The following ANO4 variants were observed in gnomAD, a reference collection of about 807,000 sequenced individuals.
ANO4 encodes the protein anoctamin 4.
A neutral mutation model predicts 141.9 loss-of-function variants in ANO4; 69 were observed. The observed-to-expected ratio is 0.49, with a 90% CI of 0.40 to 0.59. ANO4 has a LOEUF of 0.59. Among genes scored for constraint, ANO4 ranks in the 20% least tolerant of loss-of-function variants. The pLI is 0.00. For synonymous variants in ANO4, 350 were observed against 394.3 expected (o/e 0.89, Z 1.33); for missense variants, 894 against 1,162.2 (o/e 0.77, Z 3.36).
intron 3 of ANO4, among the ~76,000 whole-genome samples, chr12:100,776,996 G>T (rs909203972): frequency 6.6e-6 from 1 of 152,000 alleles, no homozygotes; most frequent in African/African-American, 2.4e-5. Context: ...GAGTTATAAG[G>T]CACCCTGAAG....
chr12:100,871,825 G>A (rs887024240), intron 1 of ANO4, among the ~76,000 whole-genome samples: 5 of 152,106 alleles, frequency 3.3e-5, no homozygotes, highest in Admixed American at 3.3e-4. Context: ...TGGGGTGGGG[G>A]CTCTGCACTC....
chr12:100,785,880 G>A (rs1217594529), intron 3 of ANO4, among the ~76,000 whole-genome samples: 1 of 152,106 alleles, frequency 6.6e-6, no homozygotes, highest in Non-Finnish European at 1.5e-5. Context: ...GATTTAGGAG[G>A]TTCAAAGGAC....
rs566636342 is a variant in ANO4 at position 101,043,530 on chromosome 12, C to T, written c.1155-9C>T. 1.9e-6 allele frequency: 3 copies of T among 1,605,784 alleles called. No individual in the cohort carries two copies. The highest frequency in any genetic ancestry group is 3.3e-5 in the Admixed American group (2 of 59,938). ...ATCAAAAAGCAGTCCTTTCTGTTCT[C>T]TTTTCCAGTAAAGAAGTCTGCCAAG... On this transcript the variant is annotated splice_polypyrimidine_tract_variant and intron_variant, in intron 12 of 27. Coordinates refer to ENST00000392977, the MANE Select transcript of ANO4 (RefSeq NM_001286615.2).
intron 5 of ANO4, among the ~76,000 whole-genome samples, chr12:100,965,734 G>A (rs200776051): frequency 1.6e-4 from 24 of 151,866 alleles, no homozygotes; most frequent in Admixed American, 1.2e-3. Context: ...GCCTAACACC[G>A]TCTCATCTTT....
intron 14 of ANO4, among the ~76,000 whole-genome samples, chr12:101,069,487 C>T (rs945307844): frequency 2.6e-5 from 4 of 152,134 alleles, no homozygotes; most frequent in South Asian, 4.1e-4. Context: ...CTGAGTTCTC[C>T]TGTAGTATGT....
intron 18 of ANO4, 105 bp downstream of exon 18, chr12:101,094,397 T>G: frequency 2.3e-6 from 2 of 876,036 alleles, no homozygotes; most frequent in South Asian, 5.0e-5. Flanking sequence ...TCCCTTTATT[T>G]TAAAATTCAT....
At chr12:100,971,245 C>A in intron 5 of ANO4, 61 bp from the exon 6 acceptor site, 1 of 1,248,424 alleles carries the variant, frequency 8.0e-7, no homozygotes, top group South Asian at 1.3e-5. Context: ...AGTTCCAACT[C>A]AACTTAAACT....
At chr12:100,776,214 C>A (rs1403813590) in intron 3 of ANO4, among the ~76,000 whole-genome samples, 1 of 152,170 alleles carries the variant, frequency 6.6e-6, no homozygotes, top group Non-Finnish European at 1.5e-5. Flanking sequence ...GAGTCCAGGC[C>A]AGGCAGTCTG....
chr12:100,856,205 A>G (rs2038162432), intron 1 of ANO4, among the ~76,000 whole-genome samples: 2 of 152,176 alleles, frequency 1.3e-5, no homozygotes, highest in South Asian at 4.1e-4. Context: ...GGTTATAATC[A>G]GCCAGAATTT....
intron 3 of ANO4, among the ~76,000 whole-genome samples, chr12:100,923,691 A>T (rs1006177652): frequency 1.3e-4 from 19 of 151,962 alleles, no homozygotes; most frequent in Admixed American, 1.2e-3. Context: ...TTCTAGTTCT[A>T]CCTCCTTGAG....
intron 3 of ANO4, among the ~76,000 whole-genome samples, chr12:100,762,241 G>T (rs547591093): frequency 3.9e-4 from 59 of 152,300 alleles, no homozygotes; most frequent in African/African-American, 1.4e-3. Context: ...TGAGAGGCAG[G>T]TGCAGATGCT....
chr12:101,032,028 A>G (rs571339401), intron 9 of ANO4, among the ~76,000 whole-genome samples: 13 of 152,342 alleles, frequency 8.5e-5, no homozygotes, highest in Non-Finnish European at 1.6e-4. Flanking sequence ...TATAGATTCA[A>G]TGCTATTCCC....
chr12:100,996,114 C>T (rs1800916751), intron 8 of ANO4, among the ~76,000 whole-genome samples: 1 of 152,128 alleles, frequency 6.6e-6, no homozygotes, highest in African/African-American at 2.4e-5. Context: ...ATTTTACGGC[C>T]ATTAAATTCT....
chr12:101,064,517 T>C lies in ANO4; in HGVS notation c.1313-14676T>C, dbSNP rs61296597. On this transcript the variant is annotated intron_variant, in intron 14 of 27. Coordinates refer to ENST00000392977, the MANE Select transcript of ANO4 (RefSeq NM_001286615.2). ...AACATCACACACCAGAGACTGTTGA[T>C]GGGTGGGAGGCTAGGGAAGGGATAG... Among the ~76,000 whole-genome samples, 843 of 152,144 alleles carry C rather than the reference T, an allele frequency of 5.5e-3. 13 individuals are homozygous for C. Among genetic ancestry groups the C allele is most frequent in the African/African-American group, 0.02 (812 of 41,502 alleles).
intron 1 of ANO4, among the ~76,000 whole-genome samples, chr12:100,856,107 G>GAA (rs1184953898): frequency 6.6e-6 from 1 of 152,132 alleles, no homozygotes; most frequent in African/African-American, 2.4e-5. Context: ...AGTGCATTTG[G>GAA]AAACTATTGA....
At chr12:100,947,582 G>T (rs149713464) in intron 5 of ANO4, among the ~76,000 whole-genome samples, 1 of 152,186 alleles carries the variant, frequency 6.6e-6, no homozygotes, top group Non-Finnish European at 1.5e-5. Context: ...TCTCTCAGAA[G>T]GAGTGAAAAA....
intron 1 of ANO4, 81 bp from the exon 2 acceptor site, chr12:100,901,565 G>A: frequency 1.7e-6 from 1 of 588,866 alleles, no homozygotes; most frequent in Non-Finnish European, 3.1e-6. Flanking sequence ...TCTGTTCTCT[G>A]GACTTCATAT....
At chr12:100,885,866 A>G (rs2039799624) in intron 1 of ANO4, among the ~76,000 whole-genome samples, 1 of 152,140 alleles carries the variant, frequency 6.6e-6, no homozygotes. Flanking sequence ...ACGCATTTCC[A>G]AGCTCTATAC....
intron 5 of ANO4, among the ~76,000 whole-genome samples, chr12:100,964,333 A>G (rs2043554552): frequency 6.6e-6 from 1 of 152,160 alleles, no homozygotes; most frequent in Non-Finnish European, 1.5e-5. Context: ...AAATTAGAAT[A>G]ATAATAATAC....
Sources: gnomAD v4.1 joint callset for allele counts (sites outside exome capture counted in the v4.1 genomes callset) on GRCh38, gnomAD v4.1.1 for gene constraint, MANE v1.5 for transcripts, NCBI Gene and HGNC (gene_info 2026-07-23, HGNC 2026-07-21) for gene names.